The following AMOTL1 variants were observed in gnomAD, a reference collection of about 807,000 sequenced individuals.
AMOTL1 encodes angiomotin like 1.
A neutral mutation model predicts 102.9 loss-of-function variants in AMOTL1; 45 were observed. The observed-to-expected ratio is 0.44, with a 90% confidence interval of 0.34 to 0.56. AMOTL1 has a LOEUF of 0.56. AMOTL1 is among the 20% of genes least tolerant of loss of function. AMOTL1 has a pLI of 0.01. For synonymous variants in AMOTL1, 481 were observed against 484.7 expected (o/e 0.99, Z 0.10); for missense variants, 1,114 against 1,225.6 (o/e 0.91, Z 1.36).
chr11:94,775,197 G>T (rs1456001232), intron 1 of AMOTL1, among the ~76,000 whole-genome samples: 1 of 152,198 alleles, frequency 6.6e-6, no homozygotes, highest in East Asian at 1.9e-4. Context: ...TTGGAGCAGT[G>T]TCTCTGACTG....
chr11:94,779,994 G>T (rs1951085361), intron 1 of AMOTL1, among the ~76,000 whole-genome samples: 1 of 152,212 alleles, frequency 6.6e-6, no homozygotes, highest in African/African-American at 2.4e-5. Context: ...TGGTAGTAAA[G>T]AGTTTTTCCT....
chr11:94,808,521 T>C (rs975950228), intron 3 of AMOTL1, among the ~76,000 whole-genome samples: 1 of 152,216 alleles, frequency 6.6e-6, no homozygotes, highest in Admixed American at 6.5e-5. Flanking sequence ...AATAGCCCAA[T>C]TATAAAGGAA....
At chr11:94,858,374 A>T (rs894101524) in intron 8 of AMOTL1, among the ~76,000 whole-genome samples, 3 of 152,230 alleles carry the variant, frequency 2.0e-5, no homozygotes, top group African/African-American at 7.2e-5. Flanking sequence ...TAAAAAACTG[A>T]ATAAAAACAA....
At chr11:94,768,339 G>T, upstream of AMOTL1, 2 of 1,376,778 alleles carry the variant, frequency 1.5e-6, no homozygotes, top group Non-Finnish European at 1.9e-6. Flanking sequence ...GGAGCGGGGA[G>T]CGCGGACGGC....
intron 1 of AMOTL1, among the ~76,000 whole-genome samples, chr11:94,786,103 T>C (rs1249434754): frequency 6.6e-6 from 1 of 152,228 alleles, no homozygotes; most frequent in East Asian, 1.9e-4. Flanking sequence ...TTAAAACTTA[T>C]CTGAGGAAAA....
At chr11:94,818,702 T>G (rs550778660) in intron 3 of AMOTL1, among the ~76,000 whole-genome samples, 17 of 152,226 alleles carry the variant, frequency 1.1e-4, no homozygotes, top group Admixed American at 3.9e-4. Context: ...TTCTATAGTT[T>G]GGACTGAATT....
chr11:94,798,121 G>C (rs1951402349), intron 2 of AMOTL1, among the ~76,000 whole-genome samples: 1 of 152,194 alleles, frequency 6.6e-6, no homozygotes, highest in South Asian at 2.1e-4. Flanking sequence ...TCATATCCCA[G>C]TTCTGCCTCT....
At chr11:94,816,763 C>T (rs1951773986) in intron 3 of AMOTL1, among the ~76,000 whole-genome samples, 1 of 152,102 alleles carries the variant, frequency 6.6e-6, no homozygotes, top group South Asian at 2.1e-4. Flanking sequence ...CAGTTAAAAC[C>T]TCATCTTCAG....
At chr11:94,766,860 A>G (rs1950860966), upstream of AMOTL1, among the ~76,000 whole-genome samples, 1 of 152,200 alleles carries the variant, frequency 6.6e-6, no homozygotes, top group Non-Finnish European at 1.5e-5. Flanking sequence ...TTCCAGGCCT[A>G]CATTTTTGTG....
At chr11:94,735,015 C>T (rs1950417326) in intron 2 of AMOTL1, among the ~76,000 whole-genome samples, 1 of 152,228 alleles carries the variant, frequency 6.6e-6, no homozygotes, top group South Asian at 2.1e-4. Flanking sequence ...TAGCCCCTCA[C>T]CCATCTCTTG....
chr11:94,838,307 G>A (rs539836881), intron 6 of AMOTL1, among the ~76,000 whole-genome samples: 2 of 152,306 alleles, frequency 1.3e-5, no homozygotes, highest in Admixed American at 6.5e-5. Context: ...ATATTTGCTG[G>A]ACATTGAATG....
intron 3 of AMOTL1, among the ~76,000 whole-genome samples, chr11:94,755,590 A>T (rs1175435689): frequency 2.0e-5 from 3 of 152,222 alleles, no homozygotes; most frequent in African/African-American, 7.2e-5. Flanking sequence ...TGCCTTCTAG[A>T]GCTTTCCAAC....
intron 2 of AMOTL1, among the ~76,000 whole-genome samples, chr11:94,737,266 A>T (rs779983868): frequency 1.3e-5 from 2 of 152,212 alleles, no homozygotes; most frequent in African/African-American, 4.8e-5. Context: ...CCAGCCTTCA[A>T]GCCAACTCTT....
intron 8 of AMOTL1, among the ~76,000 whole-genome samples, chr11:94,857,020 G>A (rs903810295): frequency 1.3e-5 from 2 of 152,174 alleles, no homozygotes; most frequent in Non-Finnish European, 2.9e-5. Flanking sequence ...GATGAGCAGA[G>A]AGGCATGGAA....
At chr11:94,819,539 C>A (rs1951826681) in intron 3 of AMOTL1, among the ~76,000 whole-genome samples, 2 of 152,212 alleles carry the variant, frequency 1.3e-5, no homozygotes, top group Non-Finnish European at 2.9e-5. Flanking sequence ...ATCAGAGACT[C>A]AAAATAATGC....
intron 6 of AMOTL1, among the ~76,000 whole-genome samples, chr11:94,837,096 A>G (rs1041251747): frequency 6.6e-6 from 1 of 152,226 alleles, no homozygotes; most frequent in Non-Finnish European, 1.5e-5. Context: ...GATTCTCCTG[A>G]AAATGACCCT....
intron 8 of AMOTL1, among the ~76,000 whole-genome samples, chr11:94,857,617 C>T (rs1051430599): frequency 2.6e-5 from 4 of 152,236 alleles, no homozygotes; most frequent in African/African-American, 9.6e-5. Context: ...ACAATTTTAT[C>T]ACTTTTACAA....
chr11:94,735,152 C>G (rs990021849), intron 2 of AMOTL1, among the ~76,000 whole-genome samples: 4 of 152,230 alleles, frequency 2.6e-5, no homozygotes, highest in Non-Finnish European at 5.9e-5. Context: ...GTCTGCTCCT[C>G]CAAGTAGAGC....
intron 7 of AMOTL1, among the ~76,000 whole-genome samples, chr11:94,850,586 G>T (rs675251): frequency 0.14 from 21,037 of 152,166 alleles, 3,190 homozygotes; most frequent in African/African-American, 0.38. Flanking sequence ...AAATCAACCC[G>T]TTAGCTTAAG....
Sources: gnomAD v4.1 joint callset for allele counts (sites outside exome capture counted in the v4.1 genomes callset) on GRCh38, gnomAD v4.1.1 for gene constraint, MANE v1.5 for transcripts, NCBI Gene and HGNC (gene_info 2026-07-23, HGNC 2026-07-21) for gene names.